TNN: variants seen among roughly 807,000 people sequenced by gnomAD.
TNN encodes tenascin-N.
Under a neutral mutation model 134.4 loss-of-function variants are expected in TNN, and 122 were observed. The ratio of observed to expected loss-of-function variants is 0.91; its 90% CI spans 0.78 to 1.06. The LOEUF (loss-of-function observed/expected upper bound fraction) is 1.06, where lower values mean the gene tolerates loss of function less well. TNN is among the 50% of genes least tolerant of loss of function. TNN has a pLI of 0.00. For missense variants in TNN, 1,739 were observed against 1,699.4 expected, an observed-to-expected ratio of 1.02 and a Z score of -0.41; for synonymous variants, 710 against 670.3, an observed-to-expected ratio of 1.06 and a Z score of -0.91.
chr1:175,097,626 G>T lies in TNN; in HGVS notation c.1798G>T (p.Val600Phe). ...GCCAGGTGTGGAGTACACAGTGCAT[G>T]TCTGGGCCCAGAAGGGGGACCGAGA... Reference protein sequence around the residue: ...LRPGVEYTVHVWAQKGDRESK... With the variant: ...LRPGVEYTVHFWAQKGDRESK... Residue 600 changes from valine (V) to phenylalanine (F), a missense_variant, in exon 8 of 19, where the codon GTC becomes TTC. Val to Phe is a conservative substitution (Grantham distance 50). Transcript: ENST00000239462. 6.2e-7 allele frequency: 1 copy of T among 1,614,214 alleles called. No individual in the cohort carries two copies. The highest frequency in any genetic ancestry group is 8.5e-7 in the Non-Finnish European group (1 of 1,180,042).
chr1:175,103,690 TG>T (rs1215127352), intron 9 of TNN, among the ~76,000 whole-genome samples: 1 of 145,392 alleles, frequency 6.9e-6, no homozygotes, highest in Non-Finnish European at 1.5e-5. Context: ...TCCTTTTTTT[TG>T]TCTCTGTTTC....
intron 9 of TNN, among the ~76,000 whole-genome samples, chr1:175,110,043 C>T (rs1244737759): frequency 3.3e-5 from 5 of 152,182 alleles, no homozygotes; most frequent in Non-Finnish European, 1.5e-5. Context: ...TTGATAATAG[C>T]AGTTTTAACA....
chr1:175,118,643 C>T lies in TNN; in HGVS notation c.2469C>T (p.Thr823=). ...ATVSWDPVQA[T]IDRYVVHYTS... ...TCTCCTGGGACCCGGTGCAGGCCAC[C>T]ATTGACAGGTATGTGGTGCACTACA... is the stretch of plus-strand genomic sequence containing the variant. Residue 823 remains threonine (T), a synonymous_variant, in exon 11 of 19, where the codon ACC becomes ACT. Coordinates refer to ENST00000239462, the MANE Select transcript of TNN (RefSeq NM_022093.2). 1.9e-6 allele frequency: 3 copies of T among 1,614,206 alleles called. No homozygotes were observed. Among genetic ancestry groups the T allele is most frequent in the East Asian group, 2.2e-5 (1 of 44,882 alleles).
In TNN at chr1:175,123,447, A is replaced by T; in HGVS notation, c.2698A>T (p.Met900Leu). Residue 900 changes from methionine to leucine, a missense_variant, in exon 12 of 19, where the codon ATG (methionine) becomes TTG (leucine). By Grantham distance (15) the Met-to-Leu change is conservative. Coordinates refer to ENST00000239462, the MANE Select transcript of TNN (RefSeq NM_022093.2). ...AGTGACTGACTGGGTGACGGAGAAT[A>T]TGGCCACTGTCTCCTGGGACCCGGT... ...NLVTDWVTEN[M>L]ATVSWDPVQA... The T allele has an allele frequency of 6.2e-7, 1 of 1,614,236 alleles. No homozygotes were observed. Among genetic ancestry groups the T allele is most frequent in the South Asian group, 1.1e-5 (1 of 91,088 alleles).
intron 2 of TNN, among the ~76,000 whole-genome samples, chr1:175,078,329 C>A (rs1674104093): frequency 6.6e-6 from 1 of 152,012 alleles, no homozygotes; most frequent in African/African-American, 2.4e-5. Context: ...AGATTCCTGG[C>A]CCTTAGAGGA....
intron 11 of TNN, among the ~76,000 whole-genome samples, 178 bp downstream of exon 11, chr1:175,119,002 A>T (rs1371745289): frequency 1.3e-5 from 2 of 152,210 alleles, no homozygotes; most frequent in Non-Finnish European, 2.9e-5. Context: ...GAAACAAAAA[A>T]CTTTCATTCA....
chr1:175,105,660 C>G lies in TNN; in HGVS notation c.2119+7065C>G, dbSNP rs979067067. Among the ~76,000 whole-genome samples the G allele has an allele frequency of 1.6e-4, 24 of 145,534 alleles. 4 individuals carry two copies. Among genetic ancestry groups the G allele is most frequent in the Admixed American group, 1.4e-4 (2 of 14,492 alleles). On this transcript the variant is annotated intron_variant, in intron 9 of 18. Transcript: ENST00000239462. ...CCCTCAGGTGGCCATTTTTCCCCAT[C>G]AGAAAGAGAATATTGGGGCCAAGCC...
chr1:175,132,491 C>T (rs1675700494), intron 15 of TNN, among the ~76,000 whole-genome samples: 1 of 152,186 alleles, frequency 6.6e-6, no homozygotes, highest in East Asian at 1.9e-4. Context: ...AAGATGGATA[C>T]TTGAGCAAAG....
chr1:175,093,895 C>G (rs760693440), intron 6 of TNN, 95 bp from the exon 7 acceptor site: 168 of 1,355,208 alleles, frequency 1.2e-4, no homozygotes, highest in Non-Finnish European at 1.6e-4. Context: ...AACTATTGAA[C>G]TAGGTCACCC....
At chr1:175,126,249 C>T (rs922063570) in intron 12 of TNN, among the ~76,000 whole-genome samples, 7 of 151,596 alleles carry the variant, frequency 4.6e-5, no homozygotes, top group African/African-American at 1.5e-4. Flanking sequence ...TGACAGGCGA[C>T]CACCACCATA....
intron 1 of TNN, among the ~76,000 whole-genome samples, chr1:175,069,552 C>T (rs1673873940): frequency 6.6e-6 from 1 of 152,180 alleles, no homozygotes; most frequent in African/African-American, 2.4e-5. Flanking sequence ...GAGAAGATGC[C>T]TGAGGAAATT....
rs200734177 is a variant in TNN, at chr1:175,098,576, C to A, written c.2100C>A (p.Ala700=). ...AGGGGGACCAGGAGAGCAAGAAGGC[C>A]GACACCAAGGCCCAGACAGGTAAGG... ...AQKGDQESKK[A]DTKAQTDIDS... is the part of the protein sequence containing the mutation. Residue 700 remains alanine (A), a synonymous_variant, in exon 9 of 19, where the codon GCC becomes GCA. Transcript: ENST00000239462. The A allele has an allele frequency of 3.7e-6, 6 of 1,613,896 alleles. No individual in the cohort carries two copies. In the Admixed American group the frequency reaches 1.0e-4, roughly 27 times the overall value.
chr1:175,142,893 G>T (rs1232547139), intron 17 of TNN, among the ~76,000 whole-genome samples: 1 of 152,202 alleles, frequency 6.6e-6, no homozygotes, highest in Non-Finnish European at 1.5e-5. Flanking sequence ...TGGGATTACA[G>T]GTGTGAGCCA....
At chr1:175,077,280 T>C in intron 1 of TNN, 104 bp from the exon 2 acceptor site, 1 of 866,596 alleles carries the variant, frequency 1.2e-6, no homozygotes, top group Non-Finnish European at 1.8e-6. Context: ...GAGTTCTTTC[T>C]GCTGGTTTCC....
chr1:175,077,638 G>T lies in TNN; in HGVS notation c.220G>T (p.Ala74Ser). ...PLSDDGASLL[A>S]LGEAREEQNI... ...CAGTGACGATGGGGCTTCGCTCTTG[G>T]CCCTGGGGGAGGCCAGGGAGGAACA... The change falls in exon 2 of 19, where the codon GCC becomes TCC. Residue 74 changes from alanine to serine, a missense_variant. Physicochemically the swap from Ala to Ser is moderately conservative, Grantham distance 99. Transcript: ENST00000239462. The T allele has an allele frequency of 6.2e-7, 1 of 1,614,206 alleles. No individual in the cohort carries two copies. Among genetic ancestry groups the T allele is most frequent in the Non-Finnish European group, 8.5e-7 (1 of 1,180,026 alleles).
chr1:175,083,764 G>A lies in TNN; in HGVS notation c.1063G>A (p.Gly355Ser). ...CCCTGCCCTAGACCTTGCTGTGCTT[G>A]GCACTGCCTGGGTGACAGATGAGAC... is the stretch of plus-strand genomic sequence containing the variant. ...LLATTDLAVL[G>S]TAWVTDETEN... is the part of the protein sequence containing the mutation. The change falls in exon 5 of 19, where the codon GGC becomes AGC. Residue 355 changes from glycine to serine, a missense_variant. By Grantham distance (56) the Gly-to-Ser change is moderately conservative. Transcript: ENST00000239462. 3 of 1,614,098 alleles carry A rather than the reference G, an allele frequency of 1.9e-6. No homozygotes were observed. Among genetic ancestry groups the A allele is most frequent in the Non-Finnish European group, 2.5e-6 (3 of 1,180,002 alleles).
intron 9 of TNN, among the ~76,000 whole-genome samples, chr1:175,112,918 G>A (rs916513549): frequency 2.6e-5 from 4 of 151,878 alleles, no homozygotes; most frequent in African/African-American, 7.3e-5. Context: ...CCCTATGCCC[G>A]GCCTCAGCAA....
At chr1:175,117,582 C>T (rs1370942196) in intron 10 of TNN, among the ~76,000 whole-genome samples, 1 of 152,140 alleles carries the variant, frequency 6.6e-6, no homozygotes, top group Admixed American at 6.5e-5. Flanking sequence ...ACGTAGATGT[C>T]ACATCTGCCA....
At chr1:175,108,396 C>T (rs1264770816) in intron 9 of TNN, among the ~76,000 whole-genome samples, 4 of 152,348 alleles carry the variant, frequency 2.6e-5, no homozygotes, top group East Asian at 1.9e-4. Context: ...CTGGCTTCAC[C>T]GAGTGGATCC....
Sources: gnomAD v4.1 joint callset for allele counts (sites outside exome capture counted in the v4.1 genomes callset) on GRCh38, gnomAD v4.1.1 for gene constraint, MANE v1.5 for transcripts, NCBI Gene and HGNC (gene_info 2026-07-23, HGNC 2026-07-21) for gene names.